The following ADAMTS2 variants were observed in gnomAD, a reference collection of about 807,000 sequenced individuals.
ADAMTS2 encodes the protein A disintegrin and metalloproteinase with thrombospondin motifs 2.
In ADAMTS2, 50 loss-of-function variants were observed where a neutral mutation model predicts 123.0. The ratio of observed to expected loss-of-function variants is 0.41; its 90% CI spans 0.32 to 0.51. ADAMTS2 has a LOEUF of 0.51. Among genes scored for constraint, ADAMTS2 ranks in the 20% least tolerant of loss-of-function variants. The pLI, the probability that ADAMTS2 is intolerant of heterozygous loss-of-function variation, is 0.35. For synonymous variants in ADAMTS2, 678 were observed against 695.4 expected (o/e 0.98, Z 0.39); for missense variants, 1,494 against 1,705.2 (o/e 0.88, Z 2.18).
intron 4 of ADAMTS2, among the ~76,000 whole-genome samples, chr5:179,198,951 C>T (rs1764495722): frequency 6.6e-6 from 1 of 152,064 alleles, no homozygotes; most frequent in Admixed American, 6.5e-5. Context: ...GCTGGCTTCG[C>T]CTGGGCCTCA....
chr5:179,149,421 T>C (rs963531466), intron 10 of ADAMTS2, among the ~76,000 whole-genome samples: 3 of 152,124 alleles, frequency 2.0e-5, no homozygotes, highest in African/African-American at 7.2e-5. Flanking sequence ...GTATTTCTGT[T>C]AGAGCAGCCG....
chr5:179,168,313 C>T (rs1307965882), intron 5 of ADAMTS2, among the ~76,000 whole-genome samples: 1 of 152,194 alleles, frequency 6.6e-6, no homozygotes, highest in Non-Finnish European at 1.5e-5. Flanking sequence ...GAGCAACTGA[C>T]CCTCAGGGGA....
Position 179,127,817 on chromosome 5 carries a change from G to A in ADAMTS2, c.2617+142C>T, listed in dbSNP as rs1006572919. 23 of 946,364 alleles carry A rather than the reference G, an allele frequency of 2.4e-5. 1 individual carries two copies. The highest frequency in any genetic ancestry group is 1.6e-4 in the Admixed American group (7 of 45,084). The allele number at this position is 946,364 out of a possible 1,614,324, so 58.6% of individuals were successfully genotyped here. On this transcript the variant is annotated intron_variant, in intron 17 of 21. Coordinates refer to ENST00000251582, the MANE Select transcript of ADAMTS2 (RefSeq NM_014244.5). ...CCCACCCACCGGCCCCTCCATTGCCGCTAAGCCCTTGCCCACCCAGGCAAA... is the reference window on the plus strand; with the variant it reads ...CCCACCCACCGGCCCCTCCATTGCCACTAAGCCCTTGCCCACCCAGGCAAA...
intron 2 of ADAMTS2, among the ~76,000 whole-genome samples, chr5:179,331,242 G>T (rs1447220692): frequency 6.7e-6 from 1 of 148,284 alleles, no homozygotes; most frequent in African/African-American, 2.5e-5. Flanking sequence ...GGAACGGGGA[G>T]AGGACAGAAG....
At chr5:179,342,544 T>G (rs563727303) in intron 2 of ADAMTS2, among the ~76,000 whole-genome samples, 1 of 152,266 alleles carries the variant, frequency 6.6e-6, no homozygotes, top group African/African-American at 2.4e-5. Context: ...TGCAGAGCCC[T>G]GGTGTAATTG....
At position 179,117,815 on chromosome 5, in the gene ADAMTS2, T is replaced by C. The variant is rs1205883824; in HGVS notation, c.3179-3491A>G. Among the ~76,000 whole-genome samples, 1 of 152,096 alleles carries C rather than the reference T, an allele frequency of 6.6e-6. No homozygotes were observed. The highest frequency in any genetic ancestry group is 1.5e-5 in the Non-Finnish European group (1 of 67,998). On this transcript the variant is annotated intron_variant, in intron 21 of 21. Coordinates refer to ENST00000251582, the MANE Select transcript of ADAMTS2 (RefSeq NM_014244.5). This position sits in a 1 kb window ranked among gnomAD's most constrained non-coding sequence, Gnocchi z 4.2. ...CCTCCCAAAGTGCTGGGATTACAGG[T>C]GTAAGCCACTGTGCCCGGCCCATGC...
rs535940123 is a variant in ADAMTS2 at position 179,268,881 on chromosome 5, A to T, written c.688+4030T>A. Among the ~76,000 whole-genome samples, 206 of 152,358 alleles carry T rather than the reference A, an allele frequency of 1.4e-3. 1 individual carries two copies. Among genetic ancestry groups the T allele is most frequent in the African/African-American group, 4.9e-3 (204 of 41,588 alleles). On this transcript the variant is annotated intron_variant, in intron 3 of 21. Transcript: ENST00000251582. ...GTGGCCAGCCTTGTACGTGAGGGCCATTCACATCCTGTAGCTGGCTGCATG... is the reference window on the plus strand; with the variant it reads ...GTGGCCAGCCTTGTACGTGAGGGCCTTTCACATCCTGTAGCTGGCTGCATG...
chr5:179,164,902 G>C (rs968368312), intron 5 of ADAMTS2, among the ~76,000 whole-genome samples: 6 of 152,138 alleles, frequency 3.9e-5, no homozygotes, highest in Admixed American at 1.3e-4. Context: ...AGGCAGCCTT[G>C]GGTTCTGCAT....
chr5:179,324,818 C>T (rs1282400014), intron 2 of ADAMTS2, among the ~76,000 whole-genome samples: 1 of 152,202 alleles, frequency 6.6e-6, no homozygotes, highest in Non-Finnish European at 1.5e-5. Flanking sequence ...AACAGCTGTG[C>T]TAACTACCAG....
intron 3 of ADAMTS2, among the ~76,000 whole-genome samples, chr5:179,208,214 C>CCAAAGGACTGGTGTCCCAGGTGT (rs551783265): frequency 0.013 from 827 of 61,626 alleles, 11 homozygotes; most frequent in African/African-American, 0.064. Flanking sequence ...CTGCCAGGTG[C>CCAAAGGACTGGTGTCCCAGGTGT]CAAAGGACTG....
intron 4 of ADAMTS2, among the ~76,000 whole-genome samples, chr5:179,204,288 G>GCA (rs1764629185): frequency 6.6e-6 from 1 of 152,170 alleles, no homozygotes; most frequent in Non-Finnish European, 1.5e-5. Context: ...CCAGCCACAT[G>GCA]AATGTGCTTA....
chr5:179,221,437 G>A (rs540412050), intron 3 of ADAMTS2, among the ~76,000 whole-genome samples: 5 of 152,150 alleles, frequency 3.3e-5, no homozygotes, highest in Admixed American at 2.0e-4. Context: ...CATGACCCTT[G>A]GGCACAAAGA....
In ADAMTS2 at chr5:179,230,883, C is replaced by CAT. The variant is rs1215286615; in HGVS notation, c.689-23169_689-23168insAT. Among the ~76,000 whole-genome samples, 11 of 152,106 alleles carry CAT rather than the reference C, an allele frequency of 7.2e-5. No homozygotes were observed. In the East Asian group the frequency reaches 2.1e-3, roughly 30 times the overall value. ...AAAATTAGCCGGGCATGGTGGTGGG[C>CAT]GCCTGTAATTGCAGCTACTCAGGAG... On this transcript the variant is annotated intron_variant, in intron 3 of 21. Coordinates refer to ENST00000251582, the MANE Select transcript of ADAMTS2 (RefSeq NM_014244.5).
At chr5:179,333,248 A>T (rs1255184506) in intron 2 of ADAMTS2, among the ~76,000 whole-genome samples, 1 of 152,020 alleles carries the variant, frequency 6.6e-6, no homozygotes, top group African/African-American at 2.4e-5. Flanking sequence ...CTGCTCCCTC[A>T]CTGACACACA....
chr5:179,241,516 G>A (rs556935508), intron 3 of ADAMTS2, among the ~76,000 whole-genome samples: 3 of 152,310 alleles, frequency 2.0e-5, no homozygotes, highest in African/African-American at 7.2e-5. Flanking sequence ...CTTCCAAACA[G>A]AGTCAAAATC....
rs979776933 is a variant in ADAMTS2, at chr5:179,242,493, G to C, written c.688+30418C>G. On this transcript the variant is annotated intron_variant, in intron 3 of 21. Coordinates refer to ENST00000251582, the MANE Select transcript of ADAMTS2 (RefSeq NM_014244.5). This position sits in a 1 kb window ranked among gnomAD's most constrained non-coding sequence, Gnocchi z 4.2. ...ATTCCCCTCAGAACAACCATAACTGGTGAAAAGTATTGAAAAGTCACCATC... is the reference window on the plus strand; with the variant it reads ...ATTCCCCTCAGAACAACCATAACTGCTGAAAAGTATTGAAAAGTCACCATC... Among the ~76,000 whole-genome samples, 1 of 152,186 alleles carries C rather than the reference G, an allele frequency of 6.6e-6. No homozygotes were observed. The highest frequency in any genetic ancestry group is 2.4e-5 in the African/African-American group (1 of 41,444).
At chr5:179,336,253 T>G (rs1392188629) in intron 2 of ADAMTS2, among the ~76,000 whole-genome samples, 2 of 152,170 alleles carry the variant, frequency 1.3e-5, no homozygotes, top group East Asian at 3.9e-4. Flanking sequence ...CAAAATGTCT[T>G]TGAAGAGTCA....
intron 3 of ADAMTS2, among the ~76,000 whole-genome samples, chr5:179,236,110 A>AGCCC (rs1390355457): frequency 6.6e-6 from 1 of 152,212 alleles, no homozygotes; most frequent in African/African-American, 2.4e-5. Flanking sequence ...CACTCTGCCT[A>AGCCC]GCCCTCTGCC....
intron 4 of ADAMTS2, among the ~76,000 whole-genome samples, chr5:179,205,722 T>C (rs939816285): frequency 5.3e-5 from 8 of 151,900 alleles, no homozygotes; most frequent in African/African-American, 1.9e-4. Flanking sequence ...AGTCACATAG[T>C]AGGGGCTCGA....
Sources: gnomAD v4.1 joint callset for allele counts (sites outside exome capture counted in the v4.1 genomes callset) on GRCh38, gnomAD v4.1.1 for gene constraint, Gnocchi (gnomAD v3.1) non-coding constraint, MANE v1.5 for transcripts, NCBI Gene and HGNC (gene_info 2026-07-23, HGNC 2026-07-21) for gene names.